Variants in GSTO2 observed in about 807,000 individuals in gnomAD.
GSTO2 encodes the protein glutathione S-transferase omega 2, also known as glutathione S-transferase omega-2.
GSTO2 carries 23 observed loss-of-function variants against 28.4 expected under a neutral mutation model. The ratio of observed to expected loss-of-function variants is 0.81; its 90% CI spans 0.58 to 1.15. The LOEUF (loss-of-function observed/expected upper bound fraction) is 1.15, where lower values mean the gene tolerates loss of function less well. Among genes scored for constraint, GSTO2 ranks in the 50% most tolerant of loss-of-function variants. GSTO2 has a pLI of 0.00. For synonymous variants in GSTO2, 109 were observed against 111.0 expected (o/e 0.98, Z 0.11); for missense variants, 298 against 297.8 (o/e 1.00, Z 0.00).
intron 5 of GSTO2, among the ~76,000 whole-genome samples, chr10:104,292,833 A>G (rs984303280): frequency 2.6e-5 from 4 of 152,202 alleles, no homozygotes; most frequent in Non-Finnish European, 5.9e-5. Flanking sequence ...GGATATTAAC[A>G]TAACTACTGC....
chr10:104,273,008 C>A (rs1323494988), intron 1 of GSTO2, among the ~76,000 whole-genome samples: 1 of 152,142 alleles, frequency 6.6e-6, no homozygotes. Flanking sequence ...GATTTTGCAA[C>A]CCTCTTATGG....
chr10:104,283,943 G>A (rs1193200187), intron 5 of GSTO2, among the ~76,000 whole-genome samples: 1 of 151,652 alleles, frequency 6.6e-6, no homozygotes, highest in Non-Finnish European at 1.5e-5. Flanking sequence ...GAAACAGAAG[G>A]CTCAGTTAAC....
intron 5 of GSTO2, 39 bp from the exon 6 acceptor site, chr10:104,297,539 A>G (rs1318607728): frequency 1.5e-6 from 2 of 1,302,394 alleles, no homozygotes; most frequent in Non-Finnish European, 2.2e-6. Flanking sequence ...GTCAGCAGAT[A>G]TATAAACTTA....
At chr10:104,284,237 G>A (rs77892626) in intron 5 of GSTO2, among the ~76,000 whole-genome samples, 9,258 of 151,966 alleles carry the variant, frequency 0.061, 961 homozygotes, top group African/African-American at 0.21. Flanking sequence ...ATGCATACCC[G>A]TGGTCCCTGC....
intron 5 of GSTO2, among the ~76,000 whole-genome samples, chr10:104,294,462 C>T (rs1172821440): frequency 2.6e-5 from 4 of 152,140 alleles, no homozygotes; most frequent in East Asian, 1.9e-4. Context: ...TGTTCTCCTA[C>T]GTCTGTAAAG....
intron 1 of GSTO2, among the ~76,000 whole-genome samples, chr10:104,272,586 A>ATTTTTT (rs1564841555): frequency 3.5e-5 from 2 of 56,900 alleles, no homozygotes; most frequent in Non-Finnish European, 8.7e-5. Flanking sequence ...CAGTTATGGG[A>ATTTTTT]CTTTTTTTTT....
intron 5 of GSTO2, chr10:104,294,839 C>A (rs2012951134): frequency 6.6e-6 from 1 of 152,146 alleles, no homozygotes; most frequent in Non-Finnish European, 1.5e-5. Context: ...CATGCTCCTA[C>A]TTTGAGTAAA....
chr10:104,292,542 A>T (rs1163333497), intron 5 of GSTO2, among the ~76,000 whole-genome samples: 1 of 151,036 alleles, frequency 6.6e-6, no homozygotes, highest in East Asian at 2.0e-4. Context: ...TGCTCACTTC[A>T]GCCTCTACCT....
rs1393327579 is a variant in GSTO2 at position 104,304,435 on chromosome 10, G to A, written c.*5151G>A. 6.6e-6 allele frequency: 1 copy of A among 152,136 alleles called. No homozygotes were observed. The highest frequency in any genetic ancestry group is 2.4e-5 in the African/African-American group (1 of 41,406). 9.4% of individuals were successfully genotyped at this position (152,136 alleles called of 1,614,324 possible). On this transcript the variant is annotated 3_prime_UTR_variant, in exon 7 of 7. Coordinates refer to ENST00000338595, the MANE Select transcript of GSTO2 (RefSeq NM_183239.2). ...ATGTAAAGAGAAGTGGCGTGCCATA[G>A]GGGTTACAAACAGGGCTTCAAGGTT...
chr10:104,303,408 A>G lies in GSTO2; in HGVS notation c.*4124A>G, dbSNP rs1019035672. ...CTTGGCTGCATTGTGCTCCTGGCCT[A>G]GGGACCTGTGGAAGTTTGAACTTGA... On this transcript the variant is annotated 3_prime_UTR_variant, in exon 7 of 7. Transcript: ENST00000338595. 6.6e-6 allele frequency: 1 copy of G among 152,198 alleles called. No individual in the cohort carries two copies. Among genetic ancestry groups the G allele is most frequent in the African/African-American group, 2.4e-5 (1 of 41,460 alleles). 9.4% of individuals were successfully genotyped at this position (152,198 alleles called of 1,614,324 possible).
intron 4 of GSTO2, among the ~76,000 whole-genome samples, chr10:104,279,022 T>C (rs938276926): frequency 3.9e-5 from 6 of 152,290 alleles, no homozygotes; most frequent in Admixed American, 1.3e-4. Flanking sequence ...AACTGCCCTT[T>C]GAAGTGGGTA....
Position 104,269,963 on chromosome 10 carries a change from G to A in GSTO2, c.-232+694G>A, listed in dbSNP as rs148066425. The stretch of plus-strand genomic sequence containing the variant: ...CCGTTCGTGAGATGAATTTATATGT[G>A]CTATTTTTCCAGTCTCTTTATCCAA... On this transcript the variant is annotated intron_variant, in intron 1 of 6. Coordinates refer to ENST00000338595, the MANE Select transcript of GSTO2 (RefSeq NM_183239.2). 5.4e-3 allele frequency among the ~76,000 whole-genome samples: 813 copies of A among 151,762 alleles called. 3 individuals carry two copies. The highest frequency in any genetic ancestry group is 0.014 in the Middle Eastern group (4 of 292).
At chr10:104,286,340 T>A (rs2012421318) in intron 5 of GSTO2, among the ~76,000 whole-genome samples, 2 of 152,230 alleles carry the variant, frequency 1.3e-5, no homozygotes, top group African/African-American at 4.8e-5. Context: ...ACACTTCATA[T>A]AAGTGGAATC....
chr10:104,275,458 C>T (rs1418181421), intron 3 of GSTO2, 124 bp downstream of exon 3: 4 of 762,170 alleles, frequency 5.2e-6, no homozygotes, highest in African/African-American at 3.6e-5. Flanking sequence ...TTTTCGGAGG[C>T]AAAGTCAACA....
intron 5 of GSTO2, among the ~76,000 whole-genome samples, chr10:104,285,272 C>A (rs142684723): frequency 6.6e-6 from 1 of 152,044 alleles, no homozygotes; most frequent in Non-Finnish European, 1.5e-5. Flanking sequence ...ATTTTATTTT[C>A]TTTTCCTCTT....
intron 1 of GSTO2, among the ~76,000 whole-genome samples, chr10:104,274,290 T>G (rs1159659871): frequency 6.6e-6 from 1 of 152,154 alleles, no homozygotes; most frequent in African/African-American, 2.4e-5. Flanking sequence ...AACTGAGGTG[T>G]CTAGGGTGCA....
chr10:104,278,887 A>C (rs1431632070), intron 4 of GSTO2, among the ~76,000 whole-genome samples: 4 of 152,244 alleles, frequency 2.6e-5, no homozygotes, highest in African/African-American at 9.6e-5. Context: ...GAGAAATTTT[A>C]AGATGGTGTC....
rs1050397413 is a variant in GSTO2 at position 104,284,016 on chromosome 10, A to G, written c.468+4545A>G. On this transcript the variant is annotated intron_variant, in intron 5 of 6. Transcript: ENST00000338595. ...AAATAACTGCCTTGTCTAACTTTTT[A>G]AGTTTTTTTTTTTTTTTGGCTTGTT... Among the ~76,000 whole-genome samples the G allele has an allele frequency of 4.9e-4, 73 of 147,666 alleles. 1 individual carries two copies. The highest frequency in any genetic ancestry group is 1.8e-3 in the African/African-American group (70 of 38,394).
rs766629755 is a variant in GSTO2 at position 104,275,286 on chromosome 10, G to A, written c.95G>A (p.Cys32Tyr). The A allele has an allele frequency of 3.1e-6, 5 of 1,614,062 alleles. No homozygotes were observed. Among genetic ancestry groups the A allele is most frequent in the East Asian group, 4.5e-5 (2 of 44,870 alleles). Reference sequence around the variant, plus strand: ...ATCCGCATCTACAGCATGAGGTTCTGCCCCTATTCTCACAGGACCCGCCTC... The same window carrying A: ...ATCCGCATCTACAGCATGAGGTTCTACCCCTATTCTCACAGGACCCGCCTC... Reference protein sequence around the residue: ...GLIRIYSMRFCPYSHRTRLVL... With the variant: ...GLIRIYSMRFYPYSHRTRLVL... The change falls in exon 3 of 7, where the codon TGC becomes TAC. Residue 32 changes from cysteine to tyrosine, a missense_variant. By Grantham distance (194) the Cys-to-Tyr change is radical. Coordinates refer to ENST00000338595, the MANE Select transcript of GSTO2 (RefSeq NM_183239.2).
Sources: gnomAD v4.1 joint callset for allele counts (sites outside exome capture counted in the v4.1 genomes callset) on GRCh38, gnomAD v4.1.1 for gene constraint, MANE v1.5 for transcripts, NCBI Gene and HGNC (gene_info 2026-07-23, HGNC 2026-07-21) for gene names.